GRK3: variants seen among roughly 807,000 people sequenced by gnomAD.
GRK3 encodes G protein-coupled receptor kinase 3, also known as adrenergic, beta, receptor kinase 2.
In GRK3, 54 loss-of-function variants were observed where a neutral mutation model predicts 95.7. That is an observed-to-expected ratio of 0.56 (90% CI 0.45 to 0.71). The LOEUF is 0.71. Ranked by LOEUF, GRK3 falls within the 30% of genes least tolerant of loss-of-function variation. The pLI is 0.00. For synonymous variants in GRK3, 281 were observed against 290.8 expected, an observed-to-expected ratio of 0.97 and a Z score of 0.34; for missense variants, 649 against 851.2, an observed-to-expected ratio of 0.76 and a Z score of 2.96.
chr22:25,582,149 C>G (rs1932121844), intron 1 of GRK3, among the ~76,000 whole-genome samples: 1 of 151,914 alleles, frequency 6.6e-6, no homozygotes, highest in African/African-American at 2.4e-5. Flanking sequence ...TGGTGGTGGG[C>G]ACCTGTAATC....
At chr22:25,700,903 T>C (rs1299141060) in intron 13 of GRK3, among the ~76,000 whole-genome samples, 1 of 152,196 alleles carries the variant, frequency 6.6e-6, no homozygotes, top group African/African-American at 2.4e-5. Flanking sequence ...TATTTTGAAA[T>C]TAACTTTTGA....
In GRK3 at chr22:25,718,274, C is replaced by A. The variant is rs1458566530; in HGVS notation, c.1684C>A (p.His562Asn). The A allele has an allele frequency of 1.2e-6, 2 of 1,614,110 alleles. No homozygotes were observed. The highest frequency in any genetic ancestry group is 4.5e-5 in the East Asian group (2 of 44,880). Residue 562 changes from histidine (H) to asparagine (N), a missense_variant, in exon 19 of 21, where the codon CAC (histidine) becomes AAC (asparagine). Coordinates refer to ENST00000324198, the MANE Select transcript of GRK3 (RefSeq NM_005160.4). ...DYALGKDCIM[H>N]GYMLKLGNPF... is the part of the protein sequence containing the mutation. The stretch of plus-strand genomic sequence containing the variant: ...CGCTCTGGGGAAGGACTGTATTATG[C>A]ACGGGTACATGCTGAAACTGGGAAA...
chr22:25,660,987 C>T (rs1422790105), intron 3 of GRK3, among the ~76,000 whole-genome samples: 2 of 152,208 alleles, frequency 1.3e-5, no homozygotes, highest in African/African-American at 4.8e-5. Context: ...TTTGAAGTCA[C>T]CAGTCACCTG....
chr22:25,727,429 C>T lies in GRK3; in HGVS notation c.*4979C>T, dbSNP rs563227165. 1.5e-4 allele frequency: 23 copies of T among 152,218 alleles called. No homozygotes were observed. In the East Asian group the frequency reaches 2.3e-3, roughly 15 times the overall value. The allele number at this position is 152,218 out of a possible 1,614,324, so 9.4% of individuals were successfully genotyped here. A position where few individuals can be genotyped will look rare whatever the true frequency, so the allele number is the denominator to read the frequency against. On this transcript the variant is annotated 3_prime_UTR_variant, in exon 21 of 21. Transcript: ENST00000324198. ...ACTAAGATAGTTGTTTTATTTCAGC[C>T]GAATCACAGAGATAACCACTCCTGC...
intron 7 of GRK3, 89 bp from the exon 8 acceptor site, chr22:25,674,348 A>G (rs1445760506): frequency 9.7e-7 from 1 of 1,028,964 alleles, no homozygotes; most frequent in Non-Finnish European, 1.5e-6. Context: ...TGCTATTTTA[A>G]TTACTGTCTA....
At chr22:25,708,155 G>T (rs1285416559) in intron 15 of GRK3, among the ~76,000 whole-genome samples, 5 of 152,252 alleles carry the variant, frequency 3.3e-5, no homozygotes, top group African/African-American at 1.2e-4. Flanking sequence ...GCTGAGGCAG[G>T]AGAATCGCTT....
Position 25,688,032 on chromosome 22 carries a change from C to G in GRK3, c.957+365C>G, listed in dbSNP as rs574217936. Among the ~76,000 whole-genome samples, 162 of 152,232 alleles carry G rather than the reference C, an allele frequency of 1.1e-3. 2 individuals are homozygous for G. In the East Asian group the frequency reaches 0.018, roughly 17 times the overall value. ...AGGGCGGATCACAAGGTCAGGAGAT[C>G]AAGGCCATCCTGGCTAACACAGTGA... On this transcript the variant is annotated intron_variant, in intron 11 of 20. Transcript: ENST00000324198.
chr22:25,605,178 A>C (rs1442458898), intron 2 of GRK3, among the ~76,000 whole-genome samples: 2 of 152,232 alleles, frequency 1.3e-5, no homozygotes, highest in African/African-American at 2.4e-5. Context: ...AGTTTCTTTG[A>C]TCACGCATGA....
At position 25,710,005 on chromosome 22, in the gene GRK3, C is replaced by T. The variant is rs776813420; in HGVS notation, c.1395+41C>T. ...TGACTCTACTTACGGTACTGCCGCCCCGCCCTTACCCGCTCATCTCTGTCT... is the reference window on the plus strand; with the variant it reads ...TGACTCTACTTACGGTACTGCCGCCTCGCCCTTACCCGCTCATCTCTGTCT... On this transcript the variant is annotated intron_variant, in intron 16 of 20. Transcript: ENST00000324198. The T allele has an allele frequency of 1.7e-5, 23 of 1,359,844 alleles. No homozygotes were observed. In the Admixed American group the frequency reaches 3.7e-4, roughly 22 times the overall value. 84.2% of individuals were successfully genotyped at this position (1,359,844 alleles called of 1,614,324 possible). A position where few individuals can be genotyped will look rare whatever the true frequency, so the allele number is the denominator to read the frequency against.
chr22:25,648,774 A>C (rs1601500205), intron 3 of GRK3: 1 of 1,162,576 alleles, frequency 8.6e-7, no homozygotes, highest in African/African-American at 1.5e-5. Context: ...TAAAAGAATG[A>C]ACTATATTCA....
chr22:25,696,580 T>G (rs1371235064), intron 13 of GRK3, among the ~76,000 whole-genome samples: 1 of 152,240 alleles, frequency 6.6e-6, no homozygotes, highest in Non-Finnish European at 1.5e-5. Flanking sequence ...AGTTAAGATT[T>G]TCCTTTTAAT....
chr22:25,583,175 G>A (rs192228276), intron 1 of GRK3, among the ~76,000 whole-genome samples: 4 of 152,240 alleles, frequency 2.6e-5, no homozygotes, highest in Admixed American at 6.5e-5. Context: ...CAAATGAGTC[G>A]CCTGTTTGCT....
chr22:25,652,801 G>A (rs901940604), intron 3 of GRK3, among the ~76,000 whole-genome samples: 5 of 152,094 alleles, frequency 3.3e-5, no homozygotes, highest in Non-Finnish European at 7.4e-5. Context: ...TAAAAGGTAC[G>A]TATATTCAAA....
At chr22:25,643,018 A>G (rs942273230) in intron 2 of GRK3, among the ~76,000 whole-genome samples, 3 of 152,206 alleles carry the variant, frequency 2.0e-5, no homozygotes, top group African/African-American at 7.2e-5. Context: ...AAAATCCCCA[A>G]ATATTTTGAA....
intron 1 of GRK3, among the ~76,000 whole-genome samples, chr22:25,579,353 C>T (rs1032413175): frequency 2.6e-5 from 4 of 151,734 alleles, no homozygotes; most frequent in African/African-American, 9.7e-5. Flanking sequence ...CGCCATGTTG[C>T]CAAGGCTGGT....
At chr22:25,655,254 A>C (rs1444708427) in intron 3 of GRK3, among the ~76,000 whole-genome samples, 1 of 152,044 alleles carries the variant, frequency 6.6e-6, no homozygotes, top group African/African-American at 2.4e-5. Flanking sequence ...TCTTTACATT[A>C]CTTATTACCT....
At chr22:25,628,981 C>T (rs894483896) in intron 2 of GRK3, among the ~76,000 whole-genome samples, 2 of 151,904 alleles carry the variant, frequency 1.3e-5, no homozygotes, top group South Asian at 2.1e-4. Flanking sequence ...GATGGTGGTA[C>T]GTGACTGGGC....
intron 2 of GRK3, among the ~76,000 whole-genome samples, chr22:25,632,580 G>C (rs937233425): frequency 5.9e-5 from 9 of 152,076 alleles, no homozygotes; most frequent in African/African-American, 2.2e-4. Flanking sequence ...GTTGGATCTT[G>C]GTGACCTTTG....
intron 9 of GRK3, among the ~76,000 whole-genome samples, chr22:25,679,750 G>C (rs375305392): frequency 6.6e-6 from 1 of 152,136 alleles, no homozygotes; most frequent in Admixed American, 6.5e-5. Flanking sequence ...GAGAGGCATG[G>C]GGTGAGCGTG....
Sources: gnomAD v4.1 joint callset for allele counts (sites outside exome capture counted in the v4.1 genomes callset) on GRCh38, gnomAD v4.1.1 for gene constraint, MANE v1.5 for transcripts, NCBI Gene and HGNC (gene_info 2026-07-23, HGNC 2026-07-21) for gene names.